The following MAJIN variants were observed in gnomAD, a reference collection of about 807,000 sequenced individuals.
The protein encoded by MAJIN is membrane anchored junction protein, also known as membrane-anchored junction protein.
MAJIN carries 27 observed loss-of-function variants against 30.2 expected under a neutral mutation model. The observed-to-expected ratio is 0.89, with a 90% CI of 0.66 to 1.23. The LOEUF (loss-of-function observed/expected upper bound fraction) is 1.23. MAJIN is among the 50% of genes most tolerant of loss of function. MAJIN has a pLI of 0.00. For missense variants in MAJIN, 253 were observed against 260.3 expected (o/e 0.97, Z 0.19); for synonymous variants, 78 against 91.6 (o/e 0.85, Z 0.85).
chr11:64,942,583 A>G (rs577134381), intron 8 of MAJIN, among the ~76,000 whole-genome samples: 2 of 152,286 alleles, frequency 1.3e-5, no homozygotes, highest in East Asian at 3.9e-4. Context: ...GCAAGTCTCT[A>G]GAAAAGCTAG....
At chr11:64,966,145 GAA>G (rs58387921) in intron 1 of MAJIN, among the ~76,000 whole-genome samples, 10 of 57,098 alleles carry the variant, frequency 1.8e-4, no homozygotes, top group African/African-American at 6.2e-4. Flanking sequence ...GATTAAAAAT[GAA>G]AAAAAAAAAA....
chr11:64,970,674 T>C (rs1945886130), intron 1 of MAJIN, among the ~76,000 whole-genome samples: 1 of 151,542 alleles, frequency 6.6e-6, no homozygotes, highest in Admixed American at 6.6e-5. Flanking sequence ...CCACACTGTC[T>C]TAAAAAAAAG....
At chr11:64,962,649 C>G (rs1026611810) in intron 1 of MAJIN, among the ~76,000 whole-genome samples, 20 of 152,206 alleles carry the variant, frequency 1.3e-4, no homozygotes, top group African/African-American at 4.8e-4. Flanking sequence ...AGTCCCTGAG[C>G]AAGTCACTTA....
chr11:64,946,274 G>C, intron 8 of MAJIN: 2 of 1,149,686 alleles, frequency 1.7e-6, no homozygotes, highest in Non-Finnish European at 2.3e-6. Context: ...ACTCCTGGCT[G>C]GCAGAATAAA....
At chr11:64,944,546 C>A (rs1259456070) in intron 8 of MAJIN, among the ~76,000 whole-genome samples, 1 of 152,174 alleles carries the variant, frequency 6.6e-6, no homozygotes, top group African/African-American at 2.4e-5. Context: ...GTAGTCCTAG[C>A]TACTCCAGAG....
rs368453078 is a variant in MAJIN at position 64,949,296 on chromosome 11, C to T, written c.349+447G>A. ...AGTGAACTATGATCACACCACTGTA[C>T]TCCAGCCTGGGTGACAGAGTGAGAC... On this transcript the variant is annotated intron_variant, in intron 6 of 10. Coordinates refer to ENST00000301896, the MANE Select transcript of MAJIN (RefSeq NM_001037225.3). 1.8e-3 allele frequency among the ~76,000 whole-genome samples: 276 copies of T among 152,182 alleles called. 2 individuals are homozygous for T. The highest frequency in any genetic ancestry group is 6.4e-3 in the African/African-American group (267 of 41,532).
chr11:64,966,689 T>G (rs1945815168), intron 1 of MAJIN, among the ~76,000 whole-genome samples: 1 of 152,048 alleles, frequency 6.6e-6, no homozygotes, highest in South Asian at 2.1e-4. Flanking sequence ...ATCCCAGCAC[T>G]CTGGGAGGCC....
At chr11:64,962,847 C>A (rs114391421) in intron 1 of MAJIN, among the ~76,000 whole-genome samples, 6,950 of 152,196 alleles carry the variant, frequency 0.046, 182 homozygotes, top group Middle Eastern at 0.065. Context: ...AAATTCAAGG[C>A]CAGGCATGGT....
intron 1 of MAJIN, among the ~76,000 whole-genome samples, chr11:64,969,690 CTCTG>C (rs1239024641): frequency 1.3e-5 from 2 of 151,290 alleles, no homozygotes; most frequent in Non-Finnish European, 3.0e-5. Context: ...GCAGGCAAGA[CTCTG>C]TCTTTTTTTT....
intron 4 of MAJIN, among the ~76,000 whole-genome samples, chr11:64,951,180 C>T (rs1332365029): frequency 2.6e-5 from 4 of 152,136 alleles, no homozygotes; most frequent in Non-Finnish European, 5.9e-5. Context: ...ATGGTGTCTA[C>T]CATCATGAAT....
intron 4 of MAJIN, among the ~76,000 whole-genome samples, chr11:64,953,276 G>A (rs975527536): frequency 1.3e-5 from 2 of 152,068 alleles, no homozygotes; most frequent in Non-Finnish European, 2.9e-5. Flanking sequence ...TACTTTGCCC[G>A]AAGTCAAACT....
At chr11:64,967,673 G>A (rs1041157546) in intron 1 of MAJIN, among the ~76,000 whole-genome samples, 1 of 152,100 alleles carries the variant, frequency 6.6e-6, no homozygotes, top group African/African-American at 2.4e-5. Context: ...CAGTGGGCAA[G>A]AAAGACAATG....
intron 6 of MAJIN, 50 bp downstream of exon 6, chr11:64,949,693 A>G (rs1426841095): frequency 1.9e-6 from 3 of 1,601,474 alleles, no homozygotes; most frequent in East Asian, 4.5e-5. Context: ...TAGCTGGCAC[A>G]GCTAAACCAT....
chr11:64,957,939 T>C (rs1402780711), intron 3 of MAJIN, among the ~76,000 whole-genome samples: 1 of 151,436 alleles, frequency 6.6e-6, no homozygotes, highest in Non-Finnish European at 1.5e-5. Context: ...CTTTAAATTT[T>C]TGCTGTGATT....
intron 1 of MAJIN, among the ~76,000 whole-genome samples, chr11:64,964,425 A>T (rs1945774716): frequency 6.6e-6 from 1 of 152,194 alleles, no homozygotes; most frequent in South Asian, 2.1e-4. Flanking sequence ...CCACAAAGTT[A>T]CATAATCCAA....
chr11:64,952,890 A>G (rs747886675), intron 4 of MAJIN, among the ~76,000 whole-genome samples: 3 of 151,882 alleles, frequency 2.0e-5, no homozygotes, highest in Non-Finnish European at 4.4e-5. Flanking sequence ...TTTTTAGTAG[A>G]GACGGGGTTT....
At chr11:64,954,679 T>C (rs1945604234) in intron 4 of MAJIN, 78 bp downstream of exon 4, 2 of 1,419,984 alleles carry the variant, frequency 1.4e-6, no homozygotes, top group East Asian at 2.3e-5. Context: ...ACTCAGTTTG[T>C]AGGAAATAAT....
rs1945359533 is a variant in MAJIN at position 64,940,614 on chromosome 11, C to T, written c.506G>A (p.Arg169Lys). 1 of 1,614,030 alleles carries T rather than the reference C, an allele frequency of 6.2e-7. No homozygotes were observed. The highest frequency in any genetic ancestry group is 1.1e-5 in the South Asian group (1 of 91,078). ...IGKEKPNKDC[R>K]RLWPLISLMS... ...CAGTGATATCAGAGGCCAGAGTCTC[C>T]TGCAATCCTTGTTGGGTTTTTCTTT... The change falls in exon 9 of 11, where the codon AGG (arginine) becomes AAG (lysine). Residue 169 changes from arginine to lysine, a missense_variant. By Grantham distance (26) the Arg-to-Lys change is conservative. Coordinates refer to ENST00000301896, the MANE Select transcript of MAJIN (RefSeq NM_001037225.3).
intron 1 of MAJIN, among the ~76,000 whole-genome samples, chr11:64,960,906 T>C (rs1461242493): frequency 6.6e-6 from 1 of 152,160 alleles, no homozygotes; most frequent in Non-Finnish European, 1.5e-5. Flanking sequence ...CCAGAGCCCA[T>C]GAGACTATTT....
Sources: gnomAD v4.1 joint callset for allele counts (sites outside exome capture counted in the v4.1 genomes callset) on GRCh38, gnomAD v4.1.1 for gene constraint, MANE v1.5 for transcripts, NCBI Gene and HGNC (gene_info 2026-07-23, HGNC 2026-07-21) for gene names.